The following OPCML variants were observed in gnomAD, a reference collection of about 807,000 sequenced individuals.
OPCML encodes opioid-binding protein/cell adhesion molecule.
In OPCML, 13 loss-of-function variants were observed where a neutral mutation model predicts 37.8. The observed-to-expected ratio is 0.34, with a 90% confidence interval of 0.22 to 0.55. The LOEUF (loss-of-function observed/expected upper bound fraction) is 0.55, where lower values mean the gene tolerates loss of function less well. Ranked by LOEUF, OPCML falls within the 20% of genes least tolerant of loss-of-function variation. The probability of loss-of-function intolerance (pLI) is 0.91; values close to 1 mark genes in which losing one functional copy is unlikely to be tolerated. For synonymous variants in OPCML, 176 were observed against 168.8 expected, an observed-to-expected ratio of 1.04 and a Z score of -0.33; for missense variants, 341 against 435.6, an observed-to-expected ratio of 0.78 and a Z score of 1.93.
chr11:132,837,062 C>G (rs1409401103), intron 2 of OPCML, among the ~76,000 whole-genome samples: 1 of 152,080 alleles, frequency 6.6e-6, no homozygotes, highest in Non-Finnish European at 1.5e-5. Context: ...TGCCTGTAAA[C>G]CCAGCACTTT....
intron 2 of OPCML, among the ~76,000 whole-genome samples, chr11:132,839,893 T>A (rs2136299507): frequency 6.6e-6 from 1 of 152,340 alleles, no homozygotes; most frequent in African/African-American, 2.4e-5. Context: ...GGTTTCTTGC[T>A]TTGTGGACAG....
At chr11:132,588,920 A>G (rs937422433) in intron 3 of OPCML, among the ~76,000 whole-genome samples, 19 of 152,186 alleles carry the variant, frequency 1.2e-4, no homozygotes, top group African/African-American at 4.6e-4. Context: ...CAAGCAATGC[A>G]ATCTAACATA....
chr11:133,402,260 C>A (rs898454457), intron 1 of OPCML, among the ~76,000 whole-genome samples: 7 of 149,804 alleles, frequency 4.7e-5, no homozygotes, highest in African/African-American at 9.9e-5. Flanking sequence ...TAAAAAAAAA[C>A]CCTTCTGGCA....
chr11:132,629,507 G>A (rs935522202), intron 3 of OPCML, among the ~76,000 whole-genome samples: 4 of 152,124 alleles, frequency 2.6e-5, no homozygotes, highest in African/African-American at 9.7e-5. Flanking sequence ...TGTCCTCATT[G>A]CATATGAAAA....
chr11:133,141,648 G>C (rs1049130239), intron 1 of OPCML, among the ~76,000 whole-genome samples: 2 of 152,112 alleles, frequency 1.3e-5, no homozygotes, highest in Non-Finnish European at 2.9e-5. Context: ...GCTGCTCCCA[G>C]CAAGAATCCC....
chr11:132,960,345 CAG>C (rs1249082231), intron 1 of OPCML, among the ~76,000 whole-genome samples: 1 of 152,166 alleles, frequency 6.6e-6, no homozygotes, highest in Admixed American at 6.5e-5. Flanking sequence ...GTGCTTAGTA[CAG>C]AGAGAATCCC....
intron 3 of OPCML, among the ~76,000 whole-genome samples, chr11:132,531,846 A>G (rs1434314744): frequency 3.9e-5 from 6 of 151,954 alleles, no homozygotes. Flanking sequence ...TAAAGCAACA[A>G]CTCGAGTGCA....
intron 1 of OPCML, among the ~76,000 whole-genome samples, chr11:133,324,147 T>G (rs1160942000): frequency 6.6e-6 from 1 of 152,188 alleles, no homozygotes; most frequent in Non-Finnish European, 1.5e-5. Flanking sequence ...ATTTCATATT[T>G]TATTTTGCTC....
At chr11:133,386,595 C>T (rs1392625466) in intron 1 of OPCML, among the ~76,000 whole-genome samples, 3 of 152,204 alleles carry the variant, frequency 2.0e-5, no homozygotes, top group Non-Finnish European at 2.9e-5. Flanking sequence ...CCCATAATTA[C>T]ACTCTCTTGA....
At chr11:133,495,655 T>C (rs1183481146) in intron 1 of OPCML, among the ~76,000 whole-genome samples, 4 of 152,224 alleles carry the variant, frequency 2.6e-5, no homozygotes, top group Admixed American at 2.6e-4. Context: ...TGACCATTAG[T>C]GATATTGAGC....
chr11:133,435,334 C>T (rs1191609776), intron 1 of OPCML, among the ~76,000 whole-genome samples: 1 of 152,082 alleles, frequency 6.6e-6, no homozygotes, highest in Admixed American at 6.5e-5. Flanking sequence ...CTGACTTCAC[C>T]TAGGAGTGCT....
chr11:132,723,418 G>C (rs1239175957), intron 2 of OPCML, among the ~76,000 whole-genome samples: 1 of 152,138 alleles, frequency 6.6e-6, no homozygotes, highest in Non-Finnish European at 1.5e-5. Flanking sequence ...ACATAATATA[G>C]GTCGGTTAAT....
chr11:133,078,624 C>T (rs1199539945), intron 1 of OPCML, among the ~76,000 whole-genome samples: 1 of 152,182 alleles, frequency 6.6e-6, no homozygotes, highest in African/African-American at 2.4e-5. Flanking sequence ...TGACCCTCAT[C>T]CCTCCAGTGA....
intron 2 of OPCML, among the ~76,000 whole-genome samples, chr11:132,842,877 A>C (rs1220658024): frequency 6.6e-6 from 1 of 152,176 alleles, no homozygotes; most frequent in Non-Finnish European, 1.5e-5. Flanking sequence ...TACGACACTG[A>C]AGGTGAGAAA....
At chr11:132,825,545 T>A (rs570816306) in intron 2 of OPCML, among the ~76,000 whole-genome samples, 1 of 152,214 alleles carries the variant, frequency 6.6e-6, no homozygotes, top group Admixed American at 6.5e-5. Flanking sequence ...GTTAATGAGA[T>A]AAAGTTTGTA....
intron 2 of OPCML, among the ~76,000 whole-genome samples, chr11:132,919,845 G>A (rs1944731918): frequency 6.6e-6 from 1 of 152,220 alleles, no homozygotes; most frequent in Non-Finnish European, 1.5e-5. Flanking sequence ...AATGACACAG[G>A]AAGTGAGTGA....
At chr11:133,262,554 A>C (rs2136459420) in intron 1 of OPCML, among the ~76,000 whole-genome samples, 1 of 152,268 alleles carries the variant, frequency 6.6e-6, no homozygotes, top group Admixed American at 6.5e-5. Context: ...ATTACACCTA[A>C]AATCACACAG....
Position 132,415,876 on chromosome 11 carries a change from T to C in OPCML, c.*4317A>G, listed in dbSNP as rs1489388765. Reference sequence around the variant, plus strand: ...ATGTGGGAAATGAGACTGGCAGTTTTGTTTGTTTGCATGTGGTGATCATTA... The same window carrying C: ...ATGTGGGAAATGAGACTGGCAGTTTCGTTTGTTTGCATGTGGTGATCATTA... On this transcript the variant is annotated 3_prime_UTR_variant, in exon 8 of 8. Transcript: ENST00000524381. 6.6e-6 allele frequency: 1 copy of C among 152,650 alleles called. No individual in the cohort carries two copies. The highest frequency in any genetic ancestry group is 1.5e-5 in the Non-Finnish European group (1 of 68,042). The allele number at this position is 152,650 out of a possible 1,614,324, so 9.5% of individuals were successfully genotyped here.
intron 4 of OPCML, among the ~76,000 whole-genome samples, chr11:132,453,659 T>A (rs927141601): frequency 4.6e-5 from 7 of 152,172 alleles, no homozygotes; most frequent in African/African-American, 9.7e-5. Context: ...ATTAAGCCCC[T>A]CGGCAGGGTT....
Sources: allele counts gnomAD v4.1 joint callset (sites outside exome capture counted in the v4.1 genomes callset), GRCh38; gene constraint gnomAD v4.1.1; transcripts MANE v1.5; gene names NCBI Gene and HGNC (gene_info 2026-07-23, HGNC 2026-07-21).